The following ENTREP2 variants were observed in gnomAD, a reference collection of about 807,000 sequenced individuals.
The protein encoded by ENTREP2 is endosomal transmembrane epsin interactor 2.
the ENTREP2 span, among the ~76,000 whole-genome samples, chr15:29,531,801 G>A: frequency 6.6e-6 from 1 of 152,126 alleles, no homozygotes; most frequent in African/African-American, 2.4e-5. Context: ...GAGAAGCTGG[G>A]ACTAAAGGCA....
chr15:29,137,532 C>T, the ENTREP2 span, among the ~76,000 whole-genome samples: 2 of 152,126 alleles, frequency 1.3e-5, no homozygotes, highest in Non-Finnish European at 2.9e-5. Flanking sequence ...GCCTGACGTG[C>T]GTGGTTTAAG....
the ENTREP2 span, among the ~76,000 whole-genome samples, chr15:29,457,635 G>A: frequency 1.3e-5 from 2 of 152,322 alleles, no homozygotes; most frequent in East Asian, 3.9e-4. Flanking sequence ...TATACTGCCT[G>A]TTCCTTTGGC....
chr15:29,450,556 C>T, the ENTREP2 span, among the ~76,000 whole-genome samples: 1 of 152,140 alleles, frequency 6.6e-6, no homozygotes, highest in Non-Finnish European at 1.5e-5. Flanking sequence ...AGCAGTGTGG[C>T]AATTCCTCAA....
At chr15:29,363,908 T>C in the ENTREP2 span, among the ~76,000 whole-genome samples, 1 of 152,154 alleles carries the variant, frequency 6.6e-6, no homozygotes, top group Admixed American at 6.6e-5. Flanking sequence ...ACTAGAAATA[T>C]TCTGACTAGT....
chr15:29,396,889 T>C, the ENTREP2 span, among the ~76,000 whole-genome samples: 1 of 152,292 alleles, frequency 6.6e-6, no homozygotes, highest in South Asian at 2.1e-4. Context: ...AGGAGTGACA[T>C]AGTAACTGAT....
At chr15:29,445,664 T>C in the ENTREP2 span, among the ~76,000 whole-genome samples, 7 of 152,306 alleles carry the variant, frequency 4.6e-5, 1 homozygote, top group South Asian at 1.5e-3. Context: ...TCTGTATCCT[T>C]TGTAATATCC....
the ENTREP2 span, among the ~76,000 whole-genome samples, chr15:29,119,506 A>G: frequency 6.5e-5 from 2 of 30,834 alleles, no homozygotes; most frequent in South Asian, 2.2e-3. Flanking sequence ...GCTAGATGAC[A>G]CGTTAGTGGG....
At chr15:29,204,630 C>T in the ENTREP2 span, among the ~76,000 whole-genome samples, 57,845 of 151,844 alleles carry the variant, frequency 0.38, 11,290 homozygotes, top group East Asian at 0.55. Context: ...TTCAGGTTCC[C>T]GGACCCCAGT....
chr15:29,481,802 G>A, the ENTREP2 span, among the ~76,000 whole-genome samples: 2 of 151,912 alleles, frequency 1.3e-5, no homozygotes, highest in African/African-American at 4.8e-5. Flanking sequence ...ACGAATAAGC[G>A]GATCCTGCCT....
the ENTREP2 span, among the ~76,000 whole-genome samples, chr15:29,332,074 G>A: frequency 6.6e-6 from 1 of 152,166 alleles, no homozygotes; most frequent in South Asian, 2.1e-4. Flanking sequence ...TGTACAGTAA[G>A]ATAAAGTGCA....
the ENTREP2 span, among the ~76,000 whole-genome samples, chr15:29,219,739 C>G: frequency 6.8e-6 from 1 of 146,634 alleles, no homozygotes; most frequent in African/African-American, 2.5e-5. Context: ...TTGGAGACTA[C>G]TATTCTAAGT....
At chr15:29,280,082 C>G in the ENTREP2 span, among the ~76,000 whole-genome samples, 1 of 152,126 alleles carries the variant, frequency 6.6e-6, no homozygotes, top group African/African-American at 2.4e-5. Flanking sequence ...AAAAAAAACC[C>G]TCAGTTATGT....
chr15:29,119,122 C>CA, the ENTREP2 span, among the ~76,000 whole-genome samples: 2 of 152,174 alleles, frequency 1.3e-5, no homozygotes, highest in Admixed American at 6.5e-5. Flanking sequence ...ATAAAAGAGA[C>CA]GGCCTTTCAA....
chr15:29,614,209 A>T, the ENTREP2 span: 3 of 157,186 alleles, frequency 1.9e-5, no homozygotes, highest in Admixed American at 1.3e-4. Context: ...AGGGGAGGGC[A>T]TGAACGAGAT....
the ENTREP2 span, among the ~76,000 whole-genome samples, chr15:29,621,522 CAAAAAAAAAAAA>C: frequency 3.8e-4 from 6 of 15,652 alleles, no homozygotes; most frequent in Admixed American, 1.1e-3. Context: ...GACTCTGTCT[CAAAAAAAAAAAA>C]AAAAAAAAAA....
At chr15:29,602,720 T>C in the ENTREP2 span, among the ~76,000 whole-genome samples, 1 of 152,058 alleles carries the variant, frequency 6.6e-6, no homozygotes, top group Non-Finnish European at 1.5e-5. Context: ...GTATTTTTAT[T>C]AGAGATATAT....
the ENTREP2 span, among the ~76,000 whole-genome samples, chr15:29,278,005 C>T: frequency 6.6e-6 from 1 of 151,842 alleles, no homozygotes; most frequent in African/African-American, 2.4e-5. Context: ...AGAAAGACCC[C>T]ATGTATACAT....
the ENTREP2 span, among the ~76,000 whole-genome samples, chr15:29,631,476 C>T: frequency 6.6e-6 from 1 of 152,166 alleles, no homozygotes; most frequent in African/African-American, 2.4e-5. Flanking sequence ...GTTTTCAGAG[C>T]CCCTGTAGTG....
At chr15:29,467,532 C>A in the ENTREP2 span, among the ~76,000 whole-genome samples, 3 of 152,108 alleles carry the variant, frequency 2.0e-5, no homozygotes, top group African/African-American at 7.2e-5. Context: ...GTGTGAGATG[C>A]AGGTTAAGAG....
Sources: allele counts gnomAD v4.1 joint callset (sites outside exome capture counted in the v4.1 genomes callset), GRCh38; gene constraint gnomAD v4.1.1; transcripts MANE v1.5; gene names NCBI Gene and HGNC (gene_info 2026-07-23, HGNC 2026-07-21).